The following TACR3 variants were observed in gnomAD, a reference collection of about 807,000 sequenced individuals.
TACR3 encodes the protein tachykinin receptor 3, also known as neuromedin-K receptor.
A neutral mutation model predicts 35.0 loss-of-function variants in TACR3; 34 were observed. The observed-to-expected ratio is 0.97, with a 90% CI of 0.74 to 1.30. The LOEUF (loss-of-function observed/expected upper bound fraction) is 1.30, where lower values mean the gene tolerates loss of function less well. TACR3 is among the 50% of genes most tolerant of loss of function. The pLI is 0.00. For missense variants in TACR3, 558 were observed against 591.7 expected (o/e 0.94, Z 0.59); for synonymous variants, 233 against 221.1 (o/e 1.05, Z -0.48).
In TACR3 at chr4:103,591,598, T is replaced by C. The variant is rs1723898134; in HGVS notation, c.974A>G (p.Tyr325Cys). The C allele has an allele frequency of 1.2e-6, 2 of 1,613,840 alleles. No individual in the cohort carries two copies. The highest frequency in any genetic ancestry group is 8.5e-7 in the Non-Finnish European group (1 of 1,179,830). ...GTATTTCCATCTATTTAGTTGTTGA[T>C]AGATTGCAGTGAGAATGAAGTAAAT... ...YHIYFILTAIYQQLNRWKYIQ... is the reference protein window; with the variant it reads ...YHIYFILTAICQQLNRWKYIQ... Residue 325 changes from tyrosine (Y) to cysteine (C), a missense_variant, in exon 4 of 5, where the codon TAT (tyrosine) becomes TGT (cysteine). Coordinates refer to ENST00000304883, the MANE Select transcript of TACR3 (RefSeq NM_001059.3).
chr4:103,603,218 G>A (rs1361867110), intron 3 of TACR3, among the ~76,000 whole-genome samples: 1 of 152,240 alleles, frequency 6.6e-6, no homozygotes, highest in African/African-American at 2.4e-5. Flanking sequence ...TAATCTCCTG[G>A]TGTGCCATTT....
chr4:103,596,307 A>G (rs1164449573), intron 3 of TACR3, among the ~76,000 whole-genome samples: 1 of 151,970 alleles, frequency 6.6e-6, no homozygotes, highest in Admixed American at 6.6e-5. Context: ...CTAGTTCTAC[A>G]TCCCTGAGGA....
intron 1 of TACR3, among the ~76,000 whole-genome samples, chr4:103,696,111 G>A (rs1174202682): frequency 1.3e-5 from 2 of 152,030 alleles, no homozygotes; most frequent in African/African-American, 2.4e-5. Context: ...AAATAGTGTG[G>A]AAGTCTGAGA....
intron 3 of TACR3, among the ~76,000 whole-genome samples, chr4:103,607,004 C>G (rs1409352948): frequency 6.6e-6 from 1 of 152,102 alleles, no homozygotes; most frequent in Non-Finnish European, 1.5e-5. Context: ...CCATCAATAC[C>G]TAATTTATTG....
chr4:103,689,122 T>C (rs962763127), intron 1 of TACR3, among the ~76,000 whole-genome samples: 16 of 150,860 alleles, frequency 1.1e-4, no homozygotes, highest in African/African-American at 3.9e-4. Context: ...AAATTGGAAA[T>C]CATCATTCTC....
In TACR3 at chr4:103,679,673, A is replaced by G. The variant is rs191012825; in HGVS notation, c.549-21270T>C. Among the ~76,000 whole-genome samples the G allele has an allele frequency of 2.2e-3, 337 of 152,092 alleles. 2 individuals carry two copies. The highest frequency in any genetic ancestry group is 2.2e-3 in the Non-Finnish European group (148 of 67,888). On this transcript the variant is annotated intron_variant, in intron 1 of 4. Coordinates refer to ENST00000304883, the MANE Select transcript of TACR3 (RefSeq NM_001059.3). ...CTTGTTTTATGAGACACCCCCTTTA[A>G]AATAACTCCCTTTAAAGTTTTAGTT...
At chr4:103,664,824 T>G (rs1047352878) in intron 1 of TACR3, among the ~76,000 whole-genome samples, 2 of 152,158 alleles carry the variant, frequency 1.3e-5, no homozygotes, top group Admixed American at 6.5e-5. Flanking sequence ...TGTTTGTTTG[T>G]TTGGTTGATG....
At chr4:103,605,856 T>C (rs977116613) in intron 3 of TACR3, among the ~76,000 whole-genome samples, 2 of 152,240 alleles carry the variant, frequency 1.3e-5, no homozygotes, top group Non-Finnish European at 2.9e-5. Flanking sequence ...ATTTTGTCTT[T>C]GGTTGCCATG....
intron 3 of TACR3, among the ~76,000 whole-genome samples, chr4:103,619,748 A>C (rs1391611845): frequency 6.6e-6 from 1 of 152,190 alleles, no homozygotes; most frequent in Non-Finnish European, 1.5e-5. Context: ...GATTTTTATC[A>C]AAAGGTTTTT....
intron 1 of TACR3, among the ~76,000 whole-genome samples, chr4:103,680,433 T>G (rs535773325): frequency 1.3e-5 from 2 of 150,572 alleles, no homozygotes; most frequent in African/African-American, 2.4e-5. Context: ...AAATTTGCTC[T>G]GGTAACAATC....
intron 3 of TACR3, among the ~76,000 whole-genome samples, chr4:103,594,509 C>T (rs1723963610): frequency 6.6e-6 from 1 of 152,114 alleles, no homozygotes; most frequent in Admixed American, 6.6e-5. Flanking sequence ...CACATGAAAG[C>T]ATTAGATTTC....
intron 3 of TACR3, among the ~76,000 whole-genome samples, chr4:103,640,821 T>A (rs976577381): frequency 2.0e-5 from 3 of 151,956 alleles, no homozygotes; most frequent in Non-Finnish European, 4.4e-5. Context: ...CAATTCTTTT[T>A]CTTCCAGTGT....
chr4:103,664,382 TTTG>T (rs1485239745), intron 1 of TACR3, among the ~76,000 whole-genome samples: 2 of 152,186 alleles, frequency 1.3e-5, no homozygotes, highest in African/African-American at 4.8e-5. Flanking sequence ...AATTCTTCCT[TTTG>T]TTGGCATTTT....
At chr4:103,628,345 A>G (rs1017889782) in intron 3 of TACR3, among the ~76,000 whole-genome samples, 5 of 152,176 alleles carry the variant, frequency 3.3e-5, no homozygotes, top group African/African-American at 9.7e-5. Context: ...CAAAAAATCA[A>G]TGAATCCAGG....
intron 1 of TACR3, among the ~76,000 whole-genome samples, chr4:103,674,463 G>C (rs547626620): frequency 6.6e-6 from 1 of 152,266 alleles, no homozygotes; most frequent in East Asian, 1.9e-4. Context: ...GTTTTCATCA[G>C]AAGGAGCTTG....
At chr4:103,624,264 T>C (rs1287607762) in intron 3 of TACR3, 1 of 152,172 alleles carries the variant, frequency 6.6e-6, no homozygotes, top group Non-Finnish European at 1.5e-5. Flanking sequence ...AAAATAATTT[T>C]CCTTGTCTGG....
At chr4:103,597,577 T>A (rs1560799919) in intron 3 of TACR3, among the ~76,000 whole-genome samples, 1 of 152,140 alleles carries the variant, frequency 6.6e-6, no homozygotes, top group Non-Finnish European at 1.5e-5. Context: ...TTACATTAGG[T>A]ACATCTCCTA....
At chr4:103,640,592 C>CA (rs1725333810) in intron 3 of TACR3, among the ~76,000 whole-genome samples, 1 of 151,868 alleles carries the variant, frequency 6.6e-6, no homozygotes, top group African/African-American at 2.4e-5. Context: ...GTATGGTTTA[C>CA]AAATTTTTTC....
Position 103,589,652 on chromosome 4 carries a change from C to T in TACR3, c.*30G>A. 6.2e-7 allele frequency: 1 copy of T among 1,612,692 alleles called. No individual in the cohort carries two copies. On this transcript the variant is annotated 3_prime_UTR_variant, in exon 5 of 5. Transcript: ENST00000304883. ...TCCTAGACTGGCACCATGATGGTCT[C>T]ACACTAATCTTTTACCTCAGGAAAT...
Sources: gnomAD v4.1 joint callset for allele counts (sites outside exome capture counted in the v4.1 genomes callset) on GRCh38, gnomAD v4.1.1 for gene constraint, MANE v1.5 for transcripts, NCBI Gene and HGNC (gene_info 2026-07-23, HGNC 2026-07-21) for gene names.